The following ANXA4 variants were observed in gnomAD, a reference collection of about 807,000 sequenced individuals.
ANXA4 encodes 35-beta calcimedin.
ANXA4 carries 39 observed loss-of-function variants against 49.8 expected under a neutral mutation model. The ratio of observed to expected loss-of-function variants is 0.78; its 90% confidence interval spans 0.61 to 1.02. The LOEUF (loss-of-function observed/expected upper bound fraction) is 1.02, where lower values mean the gene tolerates loss of function less well. Among genes scored for constraint, ANXA4 ranks in the 50% least tolerant of loss-of-function variants. The pLI, the probability that ANXA4 is intolerant of heterozygous loss-of-function variation, is 0.00. For missense variants in ANXA4, 360 were observed against 410.1 expected, an observed-to-expected ratio of 0.88 and a Z score of 1.05; for synonymous variants, 134 against 152.5, an observed-to-expected ratio of 0.88 and a Z score of 0.89.
intron 2 of ANXA4, among the ~76,000 whole-genome samples, chr2:69,656,295 GTA>G (rs200640861): frequency 0.11 from 10,758 of 101,226 alleles, 783 homozygotes; most frequent in African/African-American, 0.16. Context: ...ATACATATAT[GTA>G]TATATATGTA....
At chr2:69,671,739 T>C (rs78587523) in intron 2 of ANXA4, among the ~76,000 whole-genome samples, 1,952 of 152,140 alleles carry the variant, frequency 0.013, 52 homozygotes, top group African/African-American at 0.045. Flanking sequence ...TATATATATA[T>C]ACACACATAT....
At chr2:69,778,291 A>G (rs1290675268) in intron 1 of ANXA4, among the ~76,000 whole-genome samples, 4 of 152,248 alleles carry the variant, frequency 2.6e-5, no homozygotes, top group African/African-American at 7.2e-5. Flanking sequence ...AATAGAAGTT[A>G]TAAGTAAGAG....
At chr2:69,769,712 G>A (rs185777169) in intron 1 of ANXA4, among the ~76,000 whole-genome samples, 19 of 152,282 alleles carry the variant, frequency 1.2e-4, no homozygotes, top group Non-Finnish European at 2.5e-4. Context: ...CACCCAGGCT[G>A]GAGTGCAGTG....
intron 1 of ANXA4, among the ~76,000 whole-genome samples, chr2:69,769,337 A>G (rs557984756): frequency 3.9e-5 from 6 of 152,280 alleles, no homozygotes; most frequent in South Asian, 2.1e-4. Flanking sequence ...TTAAGACAAG[A>G]TAGAACTCAC....
intron 5 of ANXA4, among the ~76,000 whole-genome samples, chr2:69,807,139 T>G (rs1425202411): frequency 2.0e-4 from 30 of 152,220 alleles, no homozygotes; most frequent in Non-Finnish European, 1.5e-5. Context: ...ATTTAAAAGT[T>G]CTTTTCCAAA....
chr2:69,677,481 C>T (rs182524622), intron 2 of ANXA4, among the ~76,000 whole-genome samples: 6 of 152,274 alleles, frequency 3.9e-5, no homozygotes, highest in Admixed American at 2.6e-4. Context: ...CCACCAGCCT[C>T]GAGCTCCCAA....
At chr2:69,689,161 A>C (rs1299476836) in intron 2 of ANXA4, among the ~76,000 whole-genome samples, 1 of 152,010 alleles carries the variant, frequency 6.6e-6, no homozygotes, top group East Asian at 1.9e-4. Context: ...GCATGATCAT[A>C]GTCCACCGCA....
intron 3 of ANXA4, among the ~76,000 whole-genome samples, chr2:69,798,078 T>A (rs778207980): frequency 7.1e-4 from 108 of 152,192 alleles, no homozygotes; most frequent in Non-Finnish European, 1.3e-3. Context: ...CCGGTCCGAC[T>A]GGACAGTGCT....
intron 3 of ANXA4, chr2:69,803,258 T>A (rs1673297260): frequency 6.6e-6 from 1 of 152,000 alleles, no homozygotes; most frequent in Non-Finnish European, 1.5e-5. Flanking sequence ...TTCTATAGCT[T>A]CCTCTCCACA....
intron 1 of ANXA4, among the ~76,000 whole-genome samples, chr2:69,648,373 A>C (rs893852247): frequency 6.6e-6 from 1 of 152,132 alleles, no homozygotes; most frequent in African/African-American, 2.4e-5. Flanking sequence ...TAGAAATGCA[A>C]ATTTTGGGGC....
intron 1 of ANXA4, among the ~76,000 whole-genome samples, chr2:69,760,217 G>A (rs1212183809): frequency 1.3e-5 from 2 of 152,090 alleles, no homozygotes; most frequent in Non-Finnish European, 2.9e-5. Flanking sequence ...CTTTTAGGAA[G>A]GATTCCATTT....
intron 2 of ANXA4, among the ~76,000 whole-genome samples, chr2:69,684,592 G>T (rs1404462084): frequency 1.3e-5 from 2 of 149,078 alleles, no homozygotes; most frequent in African/African-American, 5.1e-5. Context: ...GGAGGTTCCA[G>T]TGGGAGGATT....
intron 1 of ANXA4, among the ~76,000 whole-genome samples, chr2:69,757,490 G>T (rs1228207321): frequency 7.1e-6 from 1 of 140,654 alleles, no homozygotes; most frequent in African/African-American, 2.7e-5. Flanking sequence ...AGCCAAGATG[G>T]TCTCGATCTC....
intron 2 of ANXA4, among the ~76,000 whole-genome samples, chr2:69,669,930 G>T (rs912712812): frequency 6.6e-6 from 1 of 152,164 alleles, no homozygotes; most frequent in Non-Finnish European, 1.5e-5. Flanking sequence ...GACTGCCCTT[G>T]AAAGAGACTT....
chr2:69,804,137 CAAAAAAAAAA>C (rs377321563), intron 3 of ANXA4, among the ~76,000 whole-genome samples: 4 of 88,860 alleles, frequency 4.5e-5, no homozygotes, highest in Non-Finnish European at 7.3e-5. Flanking sequence ...GACTTTCTCT[CAAAAAAAAAA>C]AAAAAAAAAA....
chr2:69,768,087 G>C (rs1334079092), intron 1 of ANXA4, among the ~76,000 whole-genome samples: 2 of 152,106 alleles, frequency 1.3e-5, no homozygotes, highest in African/African-American at 4.8e-5. Flanking sequence ...GGTCTCTAAA[G>C]ACAGGCAGAC....
rs771745708 is a variant in ANXA4, at chr2:69,806,535, G to T, written c.306+37G>T. 6.3e-5 allele frequency: 96 copies of T among 1,530,482 alleles called. 1 individual carries two copies. In the South Asian group the frequency reaches 8.3e-4, roughly 13 times the overall value. 94.8% of individuals were successfully genotyped at this position (1,530,482 alleles called of 1,614,324 possible). A position where few individuals can be genotyped will look rare whatever the true frequency, so the allele number is the denominator to read the frequency against. ...TCCTCTCGTGCTCTTGGTGCTGTTG[G>T]TGCAAACGCTGATGTGCTTTCTTAA... On this transcript the variant is annotated intron_variant, in intron 5 of 12. Transcript: ENST00000394295.
At chr2:69,726,351 T>C (rs1039753983) in intron 3 of ANXA4, among the ~76,000 whole-genome samples, 27 of 152,206 alleles carry the variant, frequency 1.8e-4, no homozygotes, top group African/African-American at 6.0e-4. Context: ...CTTTATAAAT[T>C]ACCCAGTCTT....
At chr2:69,757,440 G>GT (rs1196253828) in intron 1 of ANXA4, among the ~76,000 whole-genome samples, 8,022 of 107,998 alleles carry the variant, frequency 0.074, 808 homozygotes, top group African/African-American at 0.23. Context: ...CTAATTTTTT[G>GT]TTTTTTTTTT....
Sources: allele counts gnomAD v4.1 joint callset (sites outside exome capture counted in the v4.1 genomes callset), GRCh38; gene constraint gnomAD v4.1.1; transcripts MANE v1.5; gene names NCBI Gene and HGNC (gene_info 2026-07-23, HGNC 2026-07-21).